GABBR2: variants seen among roughly 807,000 people sequenced by gnomAD.
GABBR2 encodes gamma-aminobutyric acid type B receptor subunit 2.
In GABBR2, 23 loss-of-function variants were observed where a neutral mutation model predicts 105.6. The observed-to-expected ratio is 0.22, with a 90% CI of 0.16 to 0.31. GABBR2 has a LOEUF of 0.31. GABBR2 is among the 10% of genes least tolerant of loss of function. The probability of loss-of-function intolerance (pLI) is 1.00; values close to 1 mark genes in which losing one functional copy is unlikely to be tolerated. For missense variants in GABBR2, 734 were observed against 1,245.5 expected, an observed-to-expected ratio of 0.59 and a Z score of 6.18; for synonymous variants, 478 against 499.7, an observed-to-expected ratio of 0.96 and a Z score of 0.58.
chr9:98,675,364 G>A (rs1830462137), intron 1 of GABBR2, among the ~76,000 whole-genome samples: 1 of 152,060 alleles, frequency 6.6e-6, no homozygotes, highest in African/African-American at 2.4e-5. Context: ...GACAAGTCCT[G>A]GGCCAGTTCC....
intron 2 of GABBR2, among the ~76,000 whole-genome samples, chr9:98,553,212 G>A (rs1269357643): frequency 7.7e-6 from 1 of 130,514 alleles, no homozygotes; most frequent in East Asian, 2.0e-4. Flanking sequence ...GTGACAATTT[G>A]TAAGGGAGAC....
intron 4 of GABBR2, among the ~76,000 whole-genome samples, chr9:98,488,890 C>T (rs1212131922): frequency 6.6e-6 from 1 of 152,190 alleles, no homozygotes. Context: ...TAATCAGCTT[C>T]ATGGCCTCAG....
At chr9:98,403,565 C>T (rs1222000209) in intron 8 of GABBR2, among the ~76,000 whole-genome samples, 1 of 152,018 alleles carries the variant, frequency 6.6e-6, no homozygotes, top group Non-Finnish European at 1.5e-5. Context: ...GAGATCATCG[C>T]TAAGGCCCTG....
intron 11 of GABBR2, among the ~76,000 whole-genome samples, chr9:98,381,609 C>T (rs1030432673): frequency 4.6e-5 from 7 of 152,190 alleles, no homozygotes; most frequent in South Asian, 4.1e-4. Flanking sequence ...TGTGCTGACC[C>T]GATTCAGTCC....
At chr9:98,436,069 A>G (rs1825896818) in intron 7 of GABBR2, among the ~76,000 whole-genome samples, 1 of 150,752 alleles carries the variant, frequency 6.6e-6, no homozygotes, top group Non-Finnish European at 1.5e-5. Context: ...TCCTCCTCAT[A>G]CTATAGGTGG....
At chr9:98,660,243 T>C (rs1830240622) in intron 1 of GABBR2, among the ~76,000 whole-genome samples, 2 of 152,230 alleles carry the variant, frequency 1.3e-5, no homozygotes, top group Admixed American at 1.3e-4. Context: ...ATGAATTTTC[T>C]AGATCAGAGA....
chr9:98,585,194 C>T (rs978823814), intron 1 of GABBR2, among the ~76,000 whole-genome samples: 1 of 152,170 alleles, frequency 6.6e-6, no homozygotes, highest in Non-Finnish European at 1.5e-5. Context: ...CTAACGTATA[C>T]TGTGCCCTCA....
chr9:98,643,494 A>G (rs1490004503), intron 1 of GABBR2, among the ~76,000 whole-genome samples: 1 of 152,170 alleles, frequency 6.6e-6, no homozygotes, highest in East Asian at 1.9e-4. Context: ...GAGAGAAGAG[A>G]GCCTATTCTG....
intron 8 of GABBR2, among the ~76,000 whole-genome samples, chr9:98,394,939 G>T (rs1832443774): frequency 6.6e-6 from 1 of 152,182 alleles, no homozygotes; most frequent in African/African-American, 2.4e-5. Context: ...AAGCCACATT[G>T]CTCTGCTGTG....
At chr9:98,560,797 T>TATAC (rs1554717383) in intron 2 of GABBR2, among the ~76,000 whole-genome samples, 39 of 148,068 alleles carry the variant, frequency 2.6e-4, no homozygotes, top group South Asian at 2.1e-4. Context: ...TATATATATA[T>TATAC]ACATAGACAC....
At chr9:98,670,583 A>G (rs1746854956) in intron 1 of GABBR2, among the ~76,000 whole-genome samples, 1 of 152,272 alleles carries the variant, frequency 6.6e-6, no homozygotes, top group Non-Finnish European at 1.5e-5. Flanking sequence ...AGCAGCTCAC[A>G]TGCCTGTCAA....
rs758575680 is a variant in GABBR2, at chr9:98,306,195, C to T, written c.2155G>A (p.Val719Met). The change falls in exon 15 of 19, where the codon GTG becomes ATG. Residue 719 changes from valine (V) to methionine (M), a missense_variant. This residue lies in a region of GABBR2 where 91 missense variants were observed against 185.9 expected (regional missense o/e 0.49). Transcript: ENST00000259455. The surrounding 1 kb of genome is among the most constrained non-coding windows in gnomAD (Gnocchi z 5.4). ...ACCAGAGCCACGATGCAGAACTGCA[C>T]ATTGGGCTGGTCCCGGGTCAGGAAG... ...VSFLTRDQPNVQFCIVALVII... is the reference protein window; with the variant it reads ...VSFLTRDQPNMQFCIVALVII... 1.2e-6 allele frequency: 2 copies of T among 1,614,068 alleles called. No homozygotes were observed. The highest frequency in any genetic ancestry group is 1.7e-5 in the Admixed American group (1 of 59,998).
At chr9:98,411,917 A>T (rs1564057430) in intron 7 of GABBR2, among the ~76,000 whole-genome samples, 1 of 152,206 alleles carries the variant, frequency 6.6e-6, no homozygotes, top group Non-Finnish European at 1.5e-5. Context: ...CAGAAAAGTT[A>T]GTGGGGAGTA....
intron 17 of GABBR2, among the ~76,000 whole-genome samples, chr9:98,295,974 T>C (rs1830374781): frequency 1.3e-5 from 2 of 152,230 alleles, no homozygotes; most frequent in Admixed American, 6.5e-5. Context: ...CAATCCACTG[T>C]TGATGGAGGC....
chr9:98,368,136 A>G (rs1263116410), intron 12 of GABBR2, among the ~76,000 whole-genome samples: 1 of 151,936 alleles, frequency 6.6e-6, no homozygotes, highest in Admixed American at 6.6e-5. Context: ...CACCGTCACA[A>G]TCATCTTCCT....
intron 16 of GABBR2, among the ~76,000 whole-genome samples, chr9:98,300,733 G>A (rs1007369491): frequency 6.6e-6 from 1 of 152,140 alleles, no homozygotes; most frequent in Non-Finnish European, 1.5e-5. Context: ...TTTCTCACCT[G>A]CTCAAGGCAG....
chr9:98,530,466 G>A, intron 3 of GABBR2, among the ~76,000 whole-genome samples: 1 of 152,138 alleles, frequency 6.6e-6, no homozygotes, highest in East Asian at 1.9e-4. Context: ...AATTCTCCCT[G>A]AGTGAGTCCG....
chr9:98,339,754 T>C (rs1442418168), intron 13 of GABBR2, among the ~76,000 whole-genome samples: 1 of 152,202 alleles, frequency 6.6e-6, no homozygotes, highest in Non-Finnish European at 1.5e-5. Flanking sequence ...ATGTTGAGGA[T>C]ATAGCAGTGA....
Position 98,639,823 on chromosome 9 carries a change from C to T in GABBR2, c.322-61751G>A, listed in dbSNP as rs140382105. Among the ~76,000 whole-genome samples the T allele has an allele frequency of 9.7e-4, 148 of 152,148 alleles. 1 individual carries two copies. In the East Asian group the frequency reaches 0.017, roughly 17 times the overall value. On this transcript the variant is annotated intron_variant, in intron 1 of 18. Transcript: ENST00000259455. ...GGTCTCATTAAAAATAGCCTTATCT[C>T]GGGAGGCACTCTGCTGATTCTGAGA...
Sources: gnomAD v4.1 joint callset for allele counts (sites outside exome capture counted in the v4.1 genomes callset) on GRCh38, gnomAD v4.1.1 for gene constraint, gnomAD v4.1.1 regional missense constraint, Gnocchi (gnomAD v3.1) non-coding constraint, MANE v1.5 for transcripts, NCBI Gene and HGNC (gene_info 2026-07-23, HGNC 2026-07-21) for gene names.